The following PLCL1 variants were observed in gnomAD, a reference collection of about 807,000 sequenced individuals.
PLCL1 encodes the protein phospholipase C like 1 (inactive), also known as inactive phospholipase C-like protein 1.
PLCL1 carries 41 observed loss-of-function variants against 84.4 expected under a neutral mutation model. The observed-to-expected ratio is 0.49, with a 90% CI of 0.38 to 0.63. The LOEUF (loss-of-function observed/expected upper bound fraction) is 0.63. PLCL1 is among the 30% of genes least tolerant of loss of function. PLCL1 has a pLI of 0.00. For synonymous variants in PLCL1, 490 were observed against 488.3 expected (o/e 1.00, Z -0.05); for missense variants, 1,206 against 1,367.8 (o/e 0.88, Z 1.87).
chr2:198,143,579 T>C (rs1453007619), intron 5 of PLCL1, among the ~76,000 whole-genome samples: 1 of 152,162 alleles, frequency 6.6e-6, no homozygotes, highest in African/African-American at 2.4e-5. Flanking sequence ...TGCTAGATGA[T>C]TAGGGAAAAT....
intron 1 of PLCL1, among the ~76,000 whole-genome samples, chr2:197,943,196 CAAAAAAAAAAAA>C (rs869096042): frequency 9.5e-6 from 1 of 104,956 alleles, no homozygotes; most frequent in Non-Finnish European, 2.0e-5. Context: ...GACCCTCTCT[CAAAAAAAAAAAA>C]AAAAAAAAAA....
chr2:197,997,779 G>A (rs1275744674), intron 1 of PLCL1, among the ~76,000 whole-genome samples: 1 of 152,164 alleles, frequency 6.6e-6, no homozygotes, highest in African/African-American at 2.4e-5. Context: ...GGAAACAGCA[G>A]AGAGAGGGCC....
chr2:197,899,699 G>T (rs1175227024), intron 1 of PLCL1, among the ~76,000 whole-genome samples: 1 of 146,552 alleles, frequency 6.8e-6, no homozygotes, highest in Admixed American at 6.9e-5. Context: ...GCAGTGGCGC[G>T]ATCTCGGCTC....
At chr2:198,028,235 A>G (rs550227332) in intron 1 of PLCL1, among the ~76,000 whole-genome samples, 1 of 152,342 alleles carries the variant, frequency 6.6e-6, no homozygotes, top group South Asian at 2.1e-4. Flanking sequence ...CATATATGAA[A>G]TGAATTAAAT....
chr2:198,061,693 G>A (rs906118114), intron 1 of PLCL1, among the ~76,000 whole-genome samples: 8 of 152,090 alleles, frequency 5.3e-5, no homozygotes, highest in African/African-American at 1.2e-4. Flanking sequence ...TCCACCTCCC[G>A]GGTTCAAGCA....
chr2:197,907,688 C>A (rs1256075291), intron 1 of PLCL1, among the ~76,000 whole-genome samples: 2 of 152,196 alleles, frequency 1.3e-5, no homozygotes, highest in African/African-American at 4.8e-5. Flanking sequence ...TTTCAAATTT[C>A]AATTCCAATT....
At chr2:197,908,472 T>G (rs1688425635) in intron 1 of PLCL1, among the ~76,000 whole-genome samples, 1 of 152,222 alleles carries the variant, frequency 6.6e-6, no homozygotes, top group South Asian at 2.1e-4. Context: ...TTTGATGTCT[T>G]TGGAGTTATT....
intron 1 of PLCL1, among the ~76,000 whole-genome samples, chr2:197,898,030 C>T (rs1170203444): frequency 2.6e-5 from 4 of 152,196 alleles, no homozygotes; most frequent in South Asian, 2.1e-4. Context: ...TCACCATCTC[C>T]GTGTAGAGAA....
intron 1 of PLCL1, among the ~76,000 whole-genome samples, chr2:197,918,949 T>C (rs1245202198): frequency 7.4e-6 from 1 of 135,196 alleles, no homozygotes; most frequent in African/African-American, 2.6e-5. Context: ...TCTCTCTCTC[T>C]CTCTCTCTCT....
intron 1 of PLCL1, among the ~76,000 whole-genome samples, chr2:198,001,037 T>G (rs149734378): frequency 1.3e-3 from 192 of 152,238 alleles, no homozygotes; most frequent in African/African-American, 4.2e-3. Context: ...CAGAGAGATG[T>G]GGTGTTTTCT....
At chr2:198,094,058 T>G (rs965350383) in intron 3 of PLCL1, among the ~76,000 whole-genome samples, 1 of 152,116 alleles carries the variant, frequency 6.6e-6, no homozygotes, top group African/African-American at 2.4e-5. Flanking sequence ...GTCATTTTTT[T>G]TCTCTCTCTC....
intron 1 of PLCL1, among the ~76,000 whole-genome samples, chr2:197,847,760 G>A (rs561225185): frequency 2.7e-4 from 41 of 152,298 alleles, no homozygotes; most frequent in Non-Finnish European, 4.4e-4. Context: ...ATTTTAGGCC[G>A]TCAGAACACT....
chr2:198,142,445 G>A (rs151208050), intron 5 of PLCL1, among the ~76,000 whole-genome samples: 41 of 152,206 alleles, frequency 2.7e-4, no homozygotes, highest in African/African-American at 9.4e-4. Context: ...AATCTAAATT[G>A]CATCAGTTAT....
At chr2:198,135,171 C>T (rs1694225618) in intron 5 of PLCL1, among the ~76,000 whole-genome samples, 1 of 152,066 alleles carries the variant, frequency 6.6e-6, no homozygotes. Flanking sequence ...TATAGAAGCT[C>T]CTTCTGTATT....
At chr2:197,896,833 G>C (rs1688144435) in intron 1 of PLCL1, among the ~76,000 whole-genome samples, 1 of 149,538 alleles carries the variant, frequency 6.7e-6, no homozygotes, top group Admixed American at 6.7e-5. Context: ...ATTGGTCTCT[G>C]TTTTACATGA....
intron 1 of PLCL1, among the ~76,000 whole-genome samples, chr2:197,816,094 C>T (rs1308235129): frequency 1.3e-5 from 2 of 152,072 alleles, no homozygotes; most frequent in Non-Finnish European, 2.9e-5. Flanking sequence ...GCTACAGATA[C>T]ATTTTTCACT....
At chr2:197,978,699 C>T (rs949988739) in intron 1 of PLCL1, among the ~76,000 whole-genome samples, 1 of 152,180 alleles carries the variant, frequency 6.6e-6, no homozygotes, top group Non-Finnish European at 1.5e-5. Context: ...GTGATCAGAG[C>T]CTATTCTGGC....
At chr2:197,925,459 G>A (rs1421652814) in intron 1 of PLCL1, among the ~76,000 whole-genome samples, 1 of 152,090 alleles carries the variant, frequency 6.6e-6, no homozygotes, top group Non-Finnish European at 1.5e-5. Flanking sequence ...AACATTTTCA[G>A]TTTCTATTAT....
At chr2:197,892,779 G>T (rs981043187) in intron 1 of PLCL1, among the ~76,000 whole-genome samples, 3 of 152,270 alleles carry the variant, frequency 2.0e-5, no homozygotes, top group Non-Finnish European at 2.9e-5. Context: ...CGGATCACGA[G>T]GTCAGGAGTT....
Sources: allele counts gnomAD v4.1 joint callset (sites outside exome capture counted in the v4.1 genomes callset), GRCh38; gene constraint gnomAD v4.1.1; transcripts MANE v1.5; gene names NCBI Gene and HGNC (gene_info 2026-07-23, HGNC 2026-07-21).